The following OSBPL1A variants were observed in gnomAD, a reference collection of about 807,000 sequenced individuals.
The protein encoded by OSBPL1A is oxysterol-binding protein-related protein 1.
In OSBPL1A, 80 loss-of-function variants were observed where a neutral mutation model predicts 137.1. That is an observed-to-expected ratio of 0.58 (90% confidence interval 0.49 to 0.70). The LOEUF is 0.70. OSBPL1A is among the 30% of genes least tolerant of loss of function. OSBPL1A has a pLI of 0.00. For missense variants in OSBPL1A, 970 were observed against 1,129.4 expected, an observed-to-expected ratio of 0.86 and a Z score of 2.02; for synonymous variants, 365 against 389.7, an observed-to-expected ratio of 0.94 and a Z score of 0.75.
At chr18:24,249,193 C>T (rs77930854) in intron 15 of OSBPL1A, among the ~76,000 whole-genome samples, 4,321 of 152,296 alleles carry the variant, frequency 0.028, 112 homozygotes, top group Non-Finnish European at 0.046. Context: ...TTACCATGTA[C>T]AGTTTACAAT....
intron 15 of OSBPL1A, among the ~76,000 whole-genome samples, chr18:24,242,039 C>T (rs1262764306): frequency 2.0e-5 from 3 of 151,462 alleles, no homozygotes; most frequent in African/African-American, 7.3e-5. Context: ...GAAAATCAAA[C>T]ACCGAATGTT....
chr18:24,310,061 G>T (rs143282331), intron 13 of OSBPL1A, among the ~76,000 whole-genome samples: 2 of 104,322 alleles, frequency 1.9e-5, no homozygotes, highest in African/African-American at 3.5e-5. Context: ...AAAAAAAAAA[G>T]AAAAAAAAAA....
At chr18:24,216,758 T>A (rs2087714059) in intron 17 of OSBPL1A, among the ~76,000 whole-genome samples, 1 of 147,130 alleles carries the variant, frequency 6.8e-6, no homozygotes. Flanking sequence ...TCATCGGTTA[T>A]TTTTTTTTTT....
chr18:24,202,788 G>A (rs2087258185), intron 17 of OSBPL1A, among the ~76,000 whole-genome samples: 1 of 152,154 alleles, frequency 6.6e-6, no homozygotes, highest in Non-Finnish European at 1.5e-5. Flanking sequence ...AGGTACTCCA[G>A]AACAAAAGGT....
chr18:24,163,075 ATTT>A lies in OSBPL1A; in HGVS notation c.*101_*103del. 1.4e-6 allele frequency: 1 copy of A among 697,140 alleles called. No individual in the cohort carries two copies. 43.2% of individuals were successfully genotyped at this position (697,140 alleles called of 1,614,324 possible). A position where few individuals can be genotyped will look rare whatever the true frequency, so the allele number is the denominator to read the frequency against. On this transcript the variant is annotated 3_prime_UTR_variant, in exon 28 of 28. Transcript: ENST00000319481. ...GCAGTTATCTCATGAGTGTTTTTTC[ATTT>A]TTTTTTTTAAAAGATAAGTAGAAAC...
In OSBPL1A at chr18:24,181,275, A is replaced by G; in HGVS notation, c.1682T>C (p.Leu561Pro). 6.2e-7 allele frequency: 1 copy of G among 1,614,020 alleles called. No homozygotes were observed. Among genetic ancestry groups the G allele is most frequent in the Non-Finnish European group, 8.5e-7 (1 of 1,179,950 alleles). Residue 561 changes from leucine (L) to proline (P), a missense_variant, in exon 19 of 28, where the codon CTA becomes CCA. Leu to Pro is a moderately conservative substitution (Grantham distance 98, BLOSUM62 -3). Coordinates refer to ENST00000319481, the MANE Select transcript of OSBPL1A (RefSeq NM_080597.4). ...TATAACTGGCATCGTGATCTTGGAT[A>G]GTTCCTATTTAACCAGAAAATTGAA... is the stretch of plus-strand genomic sequence containing the variant. ...SILRKCIGME[L>P]SKITMPVIFN...
rs2090757827 is a variant in OSBPL1A at position 24,317,483 on chromosome 18, C to T, written c.733-83G>A. ...CTGATAAAAAGTAATTAAGTGAGGA[C>T]AGTCATATTTGAGTCTTTAGACAGT... On this transcript the variant is annotated intron_variant, in intron 9 of 27. Coordinates refer to ENST00000319481, the MANE Select transcript of OSBPL1A (RefSeq NM_080597.4). The T allele has an allele frequency of 6.4e-6, 7 of 1,097,050 alleles. No individual in the cohort carries two copies. The South Asian group carries it at 8.8e-5, about 14-fold the overall frequency. The allele number at this position is 1,097,050 out of a possible 1,614,324, so 68.0% of individuals were successfully genotyped here. A position where few individuals can be genotyped will look rare whatever the true frequency, so the allele number is the denominator to read the frequency against.
chr18:24,338,807 G>A (rs556630088), intron 5 of OSBPL1A, among the ~76,000 whole-genome samples: 1 of 152,196 alleles, frequency 6.6e-6, no homozygotes, highest in African/African-American at 2.4e-5. Context: ...TCCACCTCCT[G>A]GGTTCAAGCA....
At chr18:24,248,151 G>A (rs1226468874) in intron 15 of OSBPL1A, among the ~76,000 whole-genome samples, 2 of 152,200 alleles carry the variant, frequency 1.3e-5, no homozygotes, top group Admixed American at 1.3e-4. Flanking sequence ...AGATGAGTAC[G>A]TGTAACCAAG....
At chr18:24,266,237 G>T (rs16940612) in intron 15 of OSBPL1A, among the ~76,000 whole-genome samples, 14 of 152,078 alleles carry the variant, frequency 9.2e-5, no homozygotes, top group African/African-American at 3.1e-4. Flanking sequence ...CTTTCCCCAC[G>T]CTCTCCCTGG....
intron 17 of OSBPL1A, among the ~76,000 whole-genome samples, chr18:24,200,159 G>A (rs1052276241): frequency 1.3e-5 from 2 of 152,114 alleles, no homozygotes; most frequent in Admixed American, 1.3e-4. Context: ...CACTTTTAGA[G>A]CATATCTCAA....
intron 9 of OSBPL1A, 53 bp from the exon 10 acceptor site, chr18:24,317,453 C>T: frequency 7.3e-7 from 1 of 1,377,862 alleles, no homozygotes; most frequent in Non-Finnish European, 1.0e-6. Flanking sequence ...GATTCAAATG[C>T]TTGACTGATA....
At position 24,340,119 on chromosome 18, in the gene OSBPL1A, A is replaced by T. The variant is rs1305821482; in HGVS notation, c.394+1428T>A. Reference sequence around the variant, plus strand: ...TTACTCATTAAGTAGAAAATTAAAGATCTTCTCTTCTCAACATTAGAAATA... The same window carrying T: ...TTACTCATTAAGTAGAAAATTAAAGTTCTTCTCTTCTCAACATTAGAAATA... On this transcript the variant is annotated intron_variant, in intron 5 of 27. Coordinates refer to ENST00000319481, the MANE Select transcript of OSBPL1A (RefSeq NM_080597.4). 2.6e-5 allele frequency among the ~76,000 whole-genome samples: 4 copies of T among 152,346 alleles called. No individual in the cohort carries two copies. In the East Asian group the frequency reaches 7.7e-4, roughly 29 times the overall value.
intron 1 of OSBPL1A, among the ~76,000 whole-genome samples, chr18:24,393,602 G>A (rs549835577): frequency 2.0e-5 from 3 of 152,188 alleles, no homozygotes; most frequent in South Asian, 2.1e-4. Flanking sequence ...ACAGCTGCCC[G>A]CCACCACGCC....
chr18:24,383,875 A>G (rs562162031), intron 1 of OSBPL1A, among the ~76,000 whole-genome samples: 23 of 152,322 alleles, frequency 1.5e-4, no homozygotes, highest in Admixed American at 1.2e-3. Flanking sequence ...ATGTTTCTTG[A>G]GTATCTACTG....
intron 13 of OSBPL1A, among the ~76,000 whole-genome samples, chr18:24,310,046 C>CAAAAAAAAAAAAACAAAAAA (rs2090585467): frequency 1.1e-5 from 1 of 90,610 alleles, no homozygotes. Flanking sequence ...GACTCTGTCT[C>CAAAAAAAAAAAAACAAAAAA]AAAAAAAAAA....
At chr18:24,315,861 T>C (rs1429138329) in intron 11 of OSBPL1A, among the ~76,000 whole-genome samples, 1 of 74,230 alleles carries the variant, frequency 1.3e-5, no homozygotes, top group Non-Finnish European at 2.6e-5. Context: ...ATATATAATA[T>C]ATAGTATATA....
chr18:24,334,719 TATAA>T (rs1410363218), intron 5 of OSBPL1A, among the ~76,000 whole-genome samples: 2 of 152,206 alleles, frequency 1.3e-5, no homozygotes, highest in Admixed American at 1.3e-4. Flanking sequence ...GTACATGTCG[TATAA>T]ATATATGCAG....
intron 4 of OSBPL1A, among the ~76,000 whole-genome samples, chr18:24,351,699 G>C (rs996776392): frequency 6.6e-6 from 1 of 151,956 alleles, no homozygotes; most frequent in Admixed American, 6.6e-5. Flanking sequence ...GCCACCATGC[G>C]CAGATAATTT....
Sources: allele counts gnomAD v4.1 joint callset (sites outside exome capture counted in the v4.1 genomes callset), GRCh38; gene constraint gnomAD v4.1.1; transcripts MANE v1.5; gene names NCBI Gene and HGNC (gene_info 2026-07-23, HGNC 2026-07-21).